The following RALGAPA1 variants were observed in gnomAD, a reference collection of about 807,000 sequenced individuals.
RALGAPA1 encodes Ral GTPase activating protein catalytic subunit alpha 1.
Under a neutral mutation model 269.6 loss-of-function variants are expected in RALGAPA1, and 52 were observed. The observed-to-expected ratio is 0.19, with a 90% confidence interval of 0.15 to 0.24. The LOEUF is 0.24. RALGAPA1 is among the 10% of genes least tolerant of loss of function. The pLI is 1.00. For missense variants in RALGAPA1, 1,917 were observed against 3,013.9 expected (o/e 0.64, Z 8.52); for synonymous variants, 817 against 1,008.3 (o/e 0.81, Z 3.60).
chr14:35,648,272 G>C (rs188673007), intron 31 of RALGAPA1, among the ~76,000 whole-genome samples: 6 of 151,834 alleles, frequency 4.0e-5, no homozygotes, highest in African/African-American at 1.4e-4. Flanking sequence ...ATGCCAGCCT[G>C]GGCAATAGAG....
At chr14:35,764,352 C>T (rs1328666921) in intron 4 of RALGAPA1, among the ~76,000 whole-genome samples, 1 of 151,122 alleles carries the variant, frequency 6.6e-6, no homozygotes, top group African/African-American at 2.4e-5. Context: ...TCCCAAAGTG[C>T]TGGGATTACA....
chr14:35,703,019 C>CT (rs904752008), intron 16 of RALGAPA1, among the ~76,000 whole-genome samples: 6 of 152,046 alleles, frequency 3.9e-5, no homozygotes, highest in African/African-American at 1.2e-4. Flanking sequence ...ATAAGTTTTT[C>CT]TTTTTTCCCC....
rs188462824 is a variant in RALGAPA1 at position 35,687,636 on chromosome 14, T to C, written c.3952+823A>G. On this transcript the variant is annotated intron_variant, in intron 18 of 41. Transcript: ENST00000680220. Reference sequence around the variant, plus strand: ...CTTACTGCTGAAAGTTAATAGTCTATATATGTAAAGTTATTTTAACTTTGA... The same window carrying C: ...CTTACTGCTGAAAGTTAATAGTCTACATATGTAAAGTTATTTTAACTTTGA... Among the ~76,000 whole-genome samples, 406 of 152,276 alleles carry C rather than the reference T, an allele frequency of 2.7e-3. 2 individuals are homozygous for C. The highest frequency in any genetic ancestry group is 9.3e-3 in the African/African-American group (387 of 41,552).
chr14:35,673,250 A>G (rs1052269318), intron 24 of RALGAPA1, among the ~76,000 whole-genome samples: 1 of 152,210 alleles, frequency 6.6e-6, no homozygotes, highest in Non-Finnish European at 1.5e-5. Context: ...AAACATATCA[A>G]TACTTAAAAT....
At chr14:35,593,618 A>G (rs1410414437) in intron 37 of RALGAPA1, among the ~76,000 whole-genome samples, 1 of 152,118 alleles carries the variant, frequency 6.6e-6, no homozygotes, top group East Asian at 1.9e-4. Context: ...TAATCCCAGC[A>G]TTATAGGCTG....
At chr14:35,682,305 GT>G (rs943991657) in intron 21 of RALGAPA1, among the ~76,000 whole-genome samples, 69 of 143,970 alleles carry the variant, frequency 4.8e-4, no homozygotes, top group South Asian at 6.6e-4. Context: ...TCAGTGTGTG[GT>G]TTTTTTTTTT....
At chr14:35,658,051 G>T (rs1321713565) in intron 28 of RALGAPA1, among the ~76,000 whole-genome samples, 1 of 152,146 alleles carries the variant, frequency 6.6e-6, no homozygotes, top group Non-Finnish European at 1.5e-5. Context: ...GAGACTTACT[G>T]TTAACTTTCT....
intron 37 of RALGAPA1, among the ~76,000 whole-genome samples, chr14:35,594,248 T>A (rs2058801142): frequency 6.6e-6 from 1 of 152,028 alleles, no homozygotes; most frequent in Non-Finnish European, 1.5e-5. Context: ...AAGCTCAGGC[T>A]ACAAATACAA....
chr14:35,595,858 A>C, intron 36 of RALGAPA1, 69 bp from the exon 37 acceptor site: 1 of 1,318,650 alleles, frequency 7.6e-7, no homozygotes, highest in Non-Finnish European at 1.0e-6. Context: ...AAAGACTCAA[A>C]CTTCTTGCTT....
intron 31 of RALGAPA1, among the ~76,000 whole-genome samples, chr14:35,645,051 T>C (rs2062303709): frequency 6.6e-6 from 1 of 152,186 alleles, no homozygotes; most frequent in Admixed American, 6.5e-5. Flanking sequence ...AATTTATTCC[T>C]CACAGTTCTG....
intron 14 of RALGAPA1, among the ~76,000 whole-genome samples, chr14:35,724,422 A>T (rs182412513): frequency 2.9e-4 from 44 of 152,242 alleles, no homozygotes; most frequent in East Asian, 1.5e-3. Context: ...TCTTAAAAAA[A>T]TTTTTTGTTT....
intron 35 of RALGAPA1, among the ~76,000 whole-genome samples, chr14:35,607,617 C>T (rs1283848097): frequency 2.6e-5 from 4 of 152,334 alleles, no homozygotes; most frequent in Admixed American, 1.3e-4. Context: ...GACACTGCCA[C>T]TCCAGGAAAA....
At chr14:35,611,371 G>A (rs1353732535) in intron 35 of RALGAPA1, among the ~76,000 whole-genome samples, 3 of 151,848 alleles carry the variant, frequency 2.0e-5, no homozygotes, top group African/African-American at 7.3e-5. Context: ...GTGTGGTTGC[G>A]TGCGCTTGTA....
chr14:35,561,251 A>AAAT lies in RALGAPA1; in HGVS notation c.7496+9365_7496+9366insATT, dbSNP rs1555356922. 1.2e-3 allele frequency among the ~76,000 whole-genome samples: 154 copies of AAAT among 130,308 alleles called. 20 individuals are homozygous for AAAT. The highest frequency in any genetic ancestry group is 4.6e-3 in the African/African-American group (138 of 29,900). The allele number at this position is 130,308 out of a possible 152,430, so 85.5% of individuals were successfully genotyped here. ...CAAAAAAAAAAAAAAAAAAAAAAAA[A>AAAT]ATACAGTAACATCATCAACAGGCAT... On this transcript the variant is annotated intron_variant, in intron 39 of 41. Transcript: ENST00000680220.
intron 16 of RALGAPA1, among the ~76,000 whole-genome samples, chr14:35,718,100 T>TTAATAGAA (rs1490883541): frequency 3.9e-5 from 6 of 152,200 alleles, no homozygotes; most frequent in African/African-American, 1.2e-4. Context: ...CCTATGTCCT[T>TTAATAGAA]AGCTCTAACA....
rs537011958 is a variant in RALGAPA1, at chr14:35,549,252, A to C, written c.7497-18T>G. On this transcript the variant is annotated intron_variant, in intron 39 of 41. Coordinates refer to ENST00000680220, the MANE Select transcript of RALGAPA1 (RefSeq NM_001346249.2). ...CCTCATAGCTGATTTCCTTTGGTTA[A>C]GGATAAACTTAAGTGCAGCTTATAC... is the stretch of plus-strand genomic sequence containing the variant. 4.3e-6 allele frequency: 7 copies of C among 1,610,692 alleles called. No individual in the cohort carries two copies. The highest frequency in any genetic ancestry group is 3.3e-5 in the South Asian group (3 of 90,574).
intron 35 of RALGAPA1, among the ~76,000 whole-genome samples, chr14:35,619,082 T>C (rs949282523): frequency 6.6e-6 from 1 of 152,004 alleles, no homozygotes; most frequent in African/African-American, 2.4e-5. Context: ...TGTGTGTGGG[T>C]GCAGTGAGGA....
At chr14:35,758,237 C>T (rs1420622506) in intron 6 of RALGAPA1, among the ~76,000 whole-genome samples, 1 of 104,350 alleles carries the variant, frequency 9.6e-6, no homozygotes, top group Non-Finnish European at 1.7e-5. Flanking sequence ...GAGCAAGACT[C>T]TGTCTCAAAA....
intron 31 of RALGAPA1, among the ~76,000 whole-genome samples, chr14:35,650,686 T>C (rs2062769319): frequency 1.3e-5 from 2 of 152,076 alleles, no homozygotes; most frequent in South Asian, 4.1e-4. Flanking sequence ...TTCTGTAAAT[T>C]AATAAGAACA....
Sources: allele counts gnomAD v4.1 joint callset (sites outside exome capture counted in the v4.1 genomes callset), GRCh38; gene constraint gnomAD v4.1.1; transcripts MANE v1.5; gene names NCBI Gene and HGNC (gene_info 2026-07-23, HGNC 2026-07-21).